Variants in PKP1 observed in about 807,000 individuals in gnomAD.
PKP1 encodes plakophilin-1.
PKP1 carries 27 observed loss-of-function variants against 76.4 expected under a neutral mutation model. The ratio of observed to expected loss-of-function variants is 0.35; its 90% CI spans 0.26 to 0.49. The LOEUF is 0.49. Among genes scored for constraint, PKP1 ranks in the 20% least tolerant of loss-of-function variants. PKP1 has a pLI of 0.99. For missense variants in PKP1, 964 were observed against 955.2 expected (o/e 1.01, Z -0.12); for synonymous variants, 404 against 384.2 (o/e 1.05, Z -0.60).
At chr1:201,325,936 C>T (rs1158220945) in intron 12 of PKP1, 98 bp downstream of exon 12, 1 of 852,974 alleles carries the variant, frequency 1.2e-6, no homozygotes, top group Admixed American at 1.9e-5. Flanking sequence ...TAGAGAAACG[C>T]CCCTGCCCTT....
At chr1:201,289,020 T>C (rs1655821438) in intron 1 of PKP1, among the ~76,000 whole-genome samples, 1 of 152,220 alleles carries the variant, frequency 6.6e-6, no homozygotes, top group Non-Finnish European at 1.5e-5. Context: ...GAGGCTGTGC[T>C]GAACTCCTTG....
chr1:201,328,571 C>A, intron 12 of PKP1, 191 bp from the exon 13 acceptor site: 1 of 645,202 alleles, frequency 1.5e-6, no homozygotes, highest in Admixed American at 2.2e-5. Context: ...CACATTGCAC[C>A]GACTCATGGA....
At position 201,330,458 on chromosome 1, in the gene PKP1, G is replaced by A. The variant is rs566048359; in HGVS notation, c.*417G>A. The A allele has an allele frequency of 1.3e-5, 2 of 152,338 alleles. No homozygotes were observed. Among genetic ancestry groups the A allele is most frequent in the East Asian group, 3.9e-4 (2 of 5,184 alleles). The allele number at this position is 152,338 out of a possible 1,614,324, so 9.4% of individuals were successfully genotyped here. The stretch of plus-strand genomic sequence containing the variant: ...CTATTTTGTTGCAGCTCATAAGGTG[G>A]TGAAAAGGACTCTCCTGTGTTTCTT... On this transcript the variant is annotated 3_prime_UTR_variant, in exon 14 of 14. Coordinates refer to ENST00000367324, the MANE Select transcript of PKP1 (RefSeq NM_001005337.3).
At chr1:201,325,309 G>C (rs1333422297) in intron 11 of PKP1, among the ~76,000 whole-genome samples, 182 bp downstream of exon 11, 1 of 152,212 alleles carries the variant, frequency 6.6e-6, no homozygotes, top group Non-Finnish European at 1.5e-5. Context: ...GTGGAGAGAA[G>C]GGTCCAGCAT....
chr1:201,291,674 C>A (rs1303712646), intron 1 of PKP1, among the ~76,000 whole-genome samples: 1 of 152,214 alleles, frequency 6.6e-6, no homozygotes, highest in Non-Finnish European at 1.5e-5. Flanking sequence ...AAATTTTCCA[C>A]CCAGAAGCAG....
chr1:201,324,231 G>A (rs1356067611), intron 9 of PKP1, among the ~76,000 whole-genome samples, 197 bp from the exon 10 acceptor site: 3 of 152,158 alleles, frequency 2.0e-5, no homozygotes, highest in Non-Finnish European at 4.4e-5. Flanking sequence ...GCTGATCCAG[G>A]AGACAGGATC....
intron 1 of PKP1, among the ~76,000 whole-genome samples, chr1:201,288,976 G>A (rs910669607): frequency 2.0e-5 from 3 of 152,184 alleles, no homozygotes; most frequent in Non-Finnish European, 4.4e-5. Context: ...CGTACACCCA[G>A]GAAAAGGTCA....
At chr1:201,311,259 G>A (rs1359798431) in intron 2 of PKP1, among the ~76,000 whole-genome samples, 1 of 152,216 alleles carries the variant, frequency 6.6e-6, no homozygotes, top group East Asian at 1.9e-4. Flanking sequence ...GTAATCTGCA[G>A]GACACGCATT....
At chr1:201,289,075 A>C (rs1398630755) in intron 1 of PKP1, among the ~76,000 whole-genome samples, 1 of 152,146 alleles carries the variant, frequency 6.6e-6, no homozygotes, top group African/African-American at 2.4e-5. Context: ...AGGCATGTCC[A>C]CGGTGCTCCC....
At chr1:201,306,223 A>C (rs1656361020) in intron 2 of PKP1, among the ~76,000 whole-genome samples, 2 of 152,378 alleles carry the variant, frequency 1.3e-5, no homozygotes, top group South Asian at 4.1e-4. Flanking sequence ...TGTTTTTTCC[A>C]CAGTGCAGTA....
intron 1 of PKP1, among the ~76,000 whole-genome samples, chr1:201,286,094 G>T (rs930103796): frequency 6.6e-6 from 1 of 152,140 alleles, no homozygotes; most frequent in Non-Finnish European, 1.5e-5. Context: ...ACACCCAAAC[G>T]TCCCCTATTT....
At chr1:201,289,654 TG>T (rs1655852732) in intron 1 of PKP1, among the ~76,000 whole-genome samples, 1 of 150,432 alleles carries the variant, frequency 6.6e-6, no homozygotes, top group Admixed American at 6.7e-5. Flanking sequence ...CCAGCTTGGT[TG>T]GGGAGACCCA....
chr1:201,292,041 TC>T (rs1306909789), intron 1 of PKP1, among the ~76,000 whole-genome samples: 2 of 152,032 alleles, frequency 1.3e-5, no homozygotes, highest in African/African-American at 4.8e-5. Context: ...CATGGCAGAG[TC>T]CCAGGATGTT....
intron 2 of PKP1, among the ~76,000 whole-genome samples, chr1:201,302,093 G>A (rs933543227): frequency 2.0e-5 from 3 of 152,192 alleles, no homozygotes; most frequent in African/African-American, 4.8e-5. Context: ...GCTCCAACCC[G>A]CGGCACCTGG....
intron 8 of PKP1, 132 bp downstream of exon 8, chr1:201,322,265 C>A (rs569049726): frequency 2.1e-6 from 2 of 973,810 alleles, no homozygotes; most frequent in Non-Finnish European, 3.0e-6. Context: ...CATGCTGACA[C>A]CTTGGCCTGG....
intron 11 of PKP1, 58 bp downstream of exon 11, chr1:201,325,185 C>CTGT: frequency 6.4e-7 from 1 of 1,550,676 alleles, no homozygotes; most frequent in Non-Finnish European, 8.9e-7. Flanking sequence ...CCTCACCCTG[C>CTGT]ACAGCAGGAA....
At chr1:201,323,548 A>G (rs982581645) in intron 9 of PKP1, among the ~76,000 whole-genome samples, 2 of 152,132 alleles carry the variant, frequency 1.3e-5, no homozygotes, top group African/African-American at 4.8e-5. Flanking sequence ...TGAACTGACA[A>G]AGGTGGAAAA....
chr1:201,321,336 G>A (rs1282207818), intron 7 of PKP1, among the ~76,000 whole-genome samples: 2 of 152,114 alleles, frequency 1.3e-5, no homozygotes, highest in East Asian at 1.9e-4. Flanking sequence ...TCATTAGGAG[G>A]GTAAATCTGC....
chr1:201,304,376 G>C (rs1487300260), intron 2 of PKP1, among the ~76,000 whole-genome samples: 2 of 152,202 alleles, frequency 1.3e-5, no homozygotes, highest in Non-Finnish European at 2.9e-5. Flanking sequence ...GGTGGCTGGA[G>C]AGGAACCAAA....
Sources: gnomAD v4.1 joint callset for allele counts (sites outside exome capture counted in the v4.1 genomes callset) on GRCh38, gnomAD v4.1.1 for gene constraint, MANE v1.5 for transcripts, NCBI Gene and HGNC (gene_info 2026-07-23, HGNC 2026-07-21) for gene names.